The following AUTS2 variants were observed in gnomAD, a reference collection of about 807,000 sequenced individuals.
AUTS2 encodes activator of transcription and developmental regulator AUTS2.
Under a neutral mutation model 112.4 loss-of-function variants are expected in AUTS2, and 17 were observed. That is an observed-to-expected ratio of 0.15 (90% CI 0.10 to 0.23). The LOEUF (loss-of-function observed/expected upper bound fraction) is 0.23. Ranked by LOEUF, AUTS2 falls within the 10% of genes least tolerant of loss-of-function variation. The pLI, the probability that AUTS2 is intolerant of heterozygous loss-of-function variation, is 1.00. For missense variants in AUTS2, 1,510 were observed against 1,701.6 expected (o/e 0.89, Z 1.98); for synonymous variants, 751 against 702.7 (o/e 1.07, Z -1.09).
At chr7:70,024,020 T>C (rs1372745931) in intron 2 of AUTS2, among the ~76,000 whole-genome samples, 1 of 152,214 alleles carries the variant, frequency 6.6e-6, no homozygotes, top group Non-Finnish European at 1.5e-5. Flanking sequence ...GGAAAGCCAC[T>C]TCCCAGGGTA....
chr7:69,825,719 C>G (rs1791212034), intron 1 of AUTS2: 1 of 152,074 alleles, frequency 6.6e-6, no homozygotes, highest in African/African-American at 2.4e-5. Context: ...ATCCCTGAGC[C>G]TTTCTCCTTC....
chr7:70,118,123 T>C lies in AUTS2; in HGVS notation c.523-9T>C, dbSNP rs1805479952. On this transcript the variant is annotated splice_polypyrimidine_tract_variant and intron_variant, in intron 2 of 18. Coordinates refer to ENST00000342771, the MANE Select transcript of AUTS2 (RefSeq NM_015570.4). ...CTTTTTCCTTTTTTCTCTTTTCTTT[T>C]GCCTTTAGCTCAAGCCAGGACAGAA... is the stretch of plus-strand genomic sequence containing the variant. 11 of 1,577,676 alleles carry C rather than the reference T, an allele frequency of 7.0e-6. 1 individual carries two copies. In the South Asian group the frequency reaches 1.2e-4, roughly 17 times the overall value.
At chr7:69,703,176 A>G (rs1797897597) in intron 1 of AUTS2, among the ~76,000 whole-genome samples, 2 of 152,066 alleles carry the variant, frequency 1.3e-5, no homozygotes, top group African/African-American at 2.4e-5. Flanking sequence ...AGCAGGTGGC[A>G]TGCATGGTAG....
chr7:69,867,193 AG>A (rs11299472), intron 1 of AUTS2, among the ~76,000 whole-genome samples: 36,987 of 152,058 alleles, frequency 0.24, 4,492 homozygotes, highest in Middle Eastern at 0.34. Flanking sequence ...CTGCTATTAA[AG>A]GGGAATTCTG....
chr7:70,220,790 T>C (rs184127874), intron 4 of AUTS2, among the ~76,000 whole-genome samples: 3 of 152,292 alleles, frequency 2.0e-5, no homozygotes, highest in Non-Finnish European at 2.9e-5. Flanking sequence ...CTATCATTTT[T>C]CCCCCAATTC....
intron 2 of AUTS2, among the ~76,000 whole-genome samples, chr7:69,989,189 G>C (rs748078163): frequency 2.6e-5 from 4 of 152,142 alleles, no homozygotes; most frequent in Non-Finnish European, 5.9e-5. Flanking sequence ...TGTAATTCTT[G>C]GTATTGTGTA....
At chr7:69,695,634 C>T (rs2129183058) in intron 1 of AUTS2, among the ~76,000 whole-genome samples, 1 of 152,182 alleles carries the variant, frequency 6.6e-6, no homozygotes, top group South Asian at 2.1e-4. Context: ...CCTCTTAAAA[C>T]TAGATTGATA....
chr7:69,743,735 A>C (rs553497699), intron 1 of AUTS2, among the ~76,000 whole-genome samples: 37 of 152,252 alleles, frequency 2.4e-4, no homozygotes, highest in Admixed American at 1.5e-3. Context: ...TACATTTTAC[A>C]CACTCTCTTA....
intron 4 of AUTS2, among the ~76,000 whole-genome samples, chr7:70,287,567 T>C (rs908366421): frequency 5.7e-4 from 87 of 152,312 alleles, no homozygotes; most frequent in African/African-American, 1.9e-3. Flanking sequence ...CTGACCACCT[T>C]CTTTTTGTCC....
In AUTS2 at chr7:69,837,005, T is replaced by C. The variant is rs936234645; in HGVS notation, c.310-62281T>C. Among the ~76,000 whole-genome samples the C allele has an allele frequency of 3.3e-5, 5 of 152,086 alleles. No homozygotes were observed. In the East Asian group the frequency reaches 9.6e-4, roughly 29 times the overall value. On this transcript the variant is annotated intron_variant, in intron 1 of 18. Coordinates refer to ENST00000342771, the MANE Select transcript of AUTS2 (RefSeq NM_015570.4). ...TAACTGCTCGTTAGAGGGGACCCTA[T>C]AGAATTGATTACCTATAAGAGACCT... is the stretch of plus-strand genomic sequence containing the variant.
intron 2 of AUTS2, among the ~76,000 whole-genome samples, chr7:70,002,887 C>G (rs900621981): frequency 6.6e-6 from 1 of 151,528 alleles, no homozygotes; most frequent in Non-Finnish European, 1.5e-5. Context: ...ACCTAAATAG[C>G]TGTGAAAATT....
chr7:70,430,828 CTTTTTTTT>C (rs745358887), intron 4 of AUTS2, among the ~76,000 whole-genome samples: 3 of 94,496 alleles, frequency 3.2e-5, no homozygotes, highest in African/African-American at 1.3e-4. Flanking sequence ...GCAGTGTCGC[CTTTTTTTT>C]TTTTTTTTTT....
chr7:70,498,381 C>T (rs896839233), intron 5 of AUTS2, among the ~76,000 whole-genome samples: 18 of 152,144 alleles, frequency 1.2e-4, no homozygotes, highest in Non-Finnish European at 2.4e-4. Context: ...ATCATCAGTC[C>T]TGGGCTGGTA....
chr7:70,491,713 C>G (rs1313136176), intron 5 of AUTS2, among the ~76,000 whole-genome samples: 1 of 151,438 alleles, frequency 6.6e-6, no homozygotes, highest in Non-Finnish European at 1.5e-5. Flanking sequence ...CTCCCAGGTT[C>G]AAGCGATTCT....
At chr7:70,472,396 C>T (rs1459142316) in intron 5 of AUTS2, among the ~76,000 whole-genome samples, 24 of 147,334 alleles carry the variant, frequency 1.6e-4, no homozygotes, top group African/African-American at 4.5e-4. Flanking sequence ...AGTACCGTAA[C>T]TTATAATCTC....
At chr7:69,994,206 G>A (rs1226020008) in intron 2 of AUTS2, among the ~76,000 whole-genome samples, 2 of 152,122 alleles carry the variant, frequency 1.3e-5, no homozygotes, top group Admixed American at 1.3e-4. Context: ...ACCCCAGCCT[G>A]GGCAATAGAG....
chr7:70,434,661 C>T (rs531438781), intron 4 of AUTS2, among the ~76,000 whole-genome samples: 4 of 152,302 alleles, frequency 2.6e-5, no homozygotes, highest in South Asian at 2.1e-4. Flanking sequence ...TGTGCACTCT[C>T]TCCACGTTCC....
chr7:69,899,703 G>A (rs1392608394), intron 2 of AUTS2, among the ~76,000 whole-genome samples: 1 of 152,224 alleles, frequency 6.6e-6, no homozygotes, highest in East Asian at 1.9e-4. Context: ...CTTCAGCATG[G>A]TGCCCTTTCA....
chr7:70,787,543 G>A (rs1049437066), intron 18 of AUTS2, 112 bp downstream of exon 18: 44 of 730,982 alleles, frequency 6.0e-5, no homozygotes, highest in Admixed American at 5.7e-5. Context: ...TAGCCGCCCC[G>A]GTAGCCTCAG....
Sources: gnomAD v4.1 joint callset for allele counts (sites outside exome capture counted in the v4.1 genomes callset) on GRCh38, gnomAD v4.1.1 for gene constraint, MANE v1.5 for transcripts, NCBI Gene and HGNC (gene_info 2026-07-23, HGNC 2026-07-21) for gene names.